The following CDC42 variants were observed in gnomAD, a reference collection of about 807,000 sequenced individuals.
CDC42 encodes cell division cycle 42.
Under a neutral mutation model 20.8 loss-of-function variants are expected in CDC42, and 1 was observed. The observed-to-expected ratio is 0.05, with a 90% CI of 0.02 to 0.23. The LOEUF is 0.23. Ranked by LOEUF, CDC42 falls within the 10% of genes least tolerant of loss-of-function variation. CDC42 has a pLI of 1.00. For missense variants in CDC42, 49 were observed against 227.9 expected, an observed-to-expected ratio of 0.21 and a Z score of 5.05; for synonymous variants, 72 against 84.8, an observed-to-expected ratio of 0.85 and a Z score of 0.83.
intron 3 of CDC42, 33 bp from the exon 4 acceptor site, chr1:22,086,406 C>G (rs1645662790): frequency 4.1e-6 from 6 of 1,448,206 alleles, no homozygotes; most frequent in African/African-American, 1.4e-5. Flanking sequence ...GATTCAGTTG[C>G]TGAATTCTCT....
intron 3 of CDC42, among the ~76,000 whole-genome samples, chr1:22,085,733 T>C (rs1428899523): frequency 2.0e-5 from 3 of 152,324 alleles, no homozygotes; most frequent in East Asian, 1.9e-4. Context: ...ACCGGTCTTA[T>C]ATACACGCAT....
intron 1 of CDC42, 65 bp from the exon 2 acceptor site, chr1:22,078,364 G>C: frequency 1.4e-6 from 1 of 717,712 alleles, no homozygotes; most frequent in African/African-American, 1.8e-5. Context: ...TGAACCTGTT[G>C]CTAAGTGAGG....
chr1:22,054,229 G>A (rs556703795), intron 1 of CDC42, among the ~76,000 whole-genome samples: 11 of 151,944 alleles, frequency 7.2e-5, no homozygotes, highest in Admixed American at 5.2e-4. Flanking sequence ...TCTCAAAGAC[G>A]TTACTAAATA....
intron 1 of CDC42, among the ~76,000 whole-genome samples, chr1:22,072,616 C>G (rs2152829477): frequency 6.6e-6 from 1 of 152,218 alleles, no homozygotes; most frequent in South Asian, 2.1e-4. Context: ...GAGGTTGGTG[C>G]ATGGGGCTGA....
intron 3 of CDC42, among the ~76,000 whole-genome samples, chr1:22,082,359 A>G (rs570801915): frequency 6.6e-6 from 1 of 152,332 alleles, no homozygotes; most frequent in South Asian, 2.1e-4. Flanking sequence ...ATCTGAAAAT[A>G]TTTTGAGAGT....
At chr1:22,072,456 A>C (rs1645503172) in intron 1 of CDC42, among the ~76,000 whole-genome samples, 1 of 152,032 alleles carries the variant, frequency 6.6e-6, no homozygotes, top group Non-Finnish European at 1.5e-5. Flanking sequence ...GCCAAATGGA[A>C]GAGATACATA....
At chr1:22,084,346 T>TG (rs1414265049) in intron 3 of CDC42, among the ~76,000 whole-genome samples, 2 of 148,678 alleles carry the variant, frequency 1.3e-5, no homozygotes, top group Non-Finnish European at 3.0e-5. Flanking sequence ...TTTTTTTTTT[T>TG]TTTTTTTTTT....
At chr1:22,083,561 T>C (rs1446309212) in intron 3 of CDC42, among the ~76,000 whole-genome samples, 3 of 151,986 alleles carry the variant, frequency 2.0e-5, no homozygotes, top group African/African-American at 7.2e-5. Flanking sequence ...GCCGAGATTC[T>C]GCCACTGCCC....
At position 22,082,875 on chromosome 1, in the gene CDC42, A is replaced by ATTTTTT. The variant is rs3036839; in HGVS notation, c.178+1086_178+1087insTTTTTT. On this transcript the variant is annotated intron_variant, in intron 3 of 5. Transcript: ENST00000656825. ...ATTTGTGTCCAAAGGCACAGAGAAA[A>ATTTTTT]TTTTTATTTTTTTTTTTTGTTGAGA... 2.9e-5 allele frequency among the ~76,000 whole-genome samples: 4 copies of ATTTTTT among 140,200 alleles called. 1 individual carries two copies. Among genetic ancestry groups the ATTTTTT allele is most frequent in the Admixed American group, 7.3e-5 (1 of 13,764 alleles). The allele number at this position is 140,200 out of a possible 152,430, so 92.0% of individuals were successfully genotyped here.
intron 1 of CDC42, among the ~76,000 whole-genome samples, chr1:22,072,466 A>G (rs770292803): frequency 1.3e-5 from 2 of 152,074 alleles, no homozygotes; most frequent in African/African-American, 2.4e-5. Context: ...AGAGATACAT[A>G]GGGCACGGTT....
intron 3 of CDC42, among the ~76,000 whole-genome samples, chr1:22,082,522 C>T (rs1009934365): frequency 1.8e-4 from 28 of 151,942 alleles, no homozygotes; most frequent in African/African-American, 6.5e-4. Flanking sequence ...CTCTATGTGC[C>T]GTCTTATTAT....
At chr1:22,074,767 T>G (rs1001531407) in intron 1 of CDC42, among the ~76,000 whole-genome samples, 4 of 152,130 alleles carry the variant, frequency 2.6e-5, no homozygotes, top group African/African-American at 9.7e-5. Flanking sequence ...CTCACTTGGC[T>G]TTATTGTGAT....
chr1:22,085,844 AT>A (rs1645656178), intron 3 of CDC42, among the ~76,000 whole-genome samples: 1 of 151,760 alleles, frequency 6.6e-6, no homozygotes, highest in South Asian at 2.1e-4. Flanking sequence ...TTTCACTGTG[AT>A]TGTTTCTTTA....
At chr1:22,055,162 C>T (rs1241989536) in intron 1 of CDC42, among the ~76,000 whole-genome samples, 6 of 150,804 alleles carry the variant, frequency 4.0e-5, no homozygotes, top group African/African-American at 1.5e-4. Flanking sequence ...ACGGTGTTAG[C>T]CAGGATAGTC....
At chr1:22,079,953 G>T (rs915636565) in intron 2 of CDC42, among the ~76,000 whole-genome samples, 1 of 152,140 alleles carries the variant, frequency 6.6e-6, no homozygotes, top group South Asian at 2.1e-4. Context: ...TAAATGAACC[G>T]ATTTAGGTAA....
chr1:22,086,769 C>T lies in CDC42; in HGVS notation c.389C>T (p.Ala130Val), dbSNP rs1235149233. 1 of 1,613,960 alleles carries T rather than the reference C, an allele frequency of 6.2e-7. No individual in the cohort carries two copies. Among genetic ancestry groups the T allele is most frequent in the Non-Finnish European group, 8.5e-7 (1 of 1,179,900 alleles). Residue 130 changes from alanine to valine, a missense_variant, in exon 5 of 6, where the codon GCC becomes GTC. Physicochemically the swap from Ala to Val is moderately conservative, Grantham distance 64. Around this residue, in one of 2 missense-constraint regions of CDC42, gnomAD observed 38 missense variants for 106.6 expected, o/e 0.36. Transcript: ENST00000656825. ...GACCCCTCTACTATTGAGAAACTTG[C>T]CAAGAACAAACAGAAGCCTATCACT... is the stretch of plus-strand genomic sequence containing the variant. The part of the protein sequence containing the change: ...RDDPSTIEKL[A>V]KNKQKPITPE...
At chr1:22,080,583 G>GA (rs1161931412) in intron 2 of CDC42, among the ~76,000 whole-genome samples, 1 of 150,524 alleles carries the variant, frequency 6.6e-6, no homozygotes, top group African/African-American at 2.4e-5. Context: ...TCTTTTTATA[G>GA]ATATCATTTA....
Position 22,096,085 on chromosome 1 carries a change from G to C in CDC42, c.*4568G>C, listed in dbSNP as rs1365828757. Among the ~76,000 whole-genome samples, 1 of 151,970 alleles carries C rather than the reference G, an allele frequency of 6.6e-6. No individual in the cohort carries two copies. ...CATGATTCTCCTGCCTCAGCCTCCT[G>C]AGTAGCTGGGATTACAGGTGTCTGC... On this transcript the variant is annotated 3_prime_UTR_variant, in exon 6 of 6. Transcript: ENST00000656825.
chr1:22,079,140 T>C (rs1306559608), intron 2 of CDC42, among the ~76,000 whole-genome samples: 3 of 5,134 alleles, frequency 5.8e-4, no homozygotes, highest in Admixed American at 2.9e-3. Flanking sequence ...TCTTTTTTTC[T>C]TTTTTTTTTT....
Sources: gnomAD v4.1 joint callset for allele counts (sites outside exome capture counted in the v4.1 genomes callset) on GRCh38, gnomAD v4.1.1 for gene constraint, gnomAD v4.1.1 regional missense constraint, MANE v1.5 for transcripts, NCBI Gene and HGNC (gene_info 2026-07-23, HGNC 2026-07-21) for gene names.